DOCK8: variants seen among roughly 807,000 people sequenced by gnomAD.
The protein encoded by DOCK8 is dedicator of cytokinesis 8, also known as dedicator of cytokinesis protein 8.
Under a neutral mutation model 245.6 loss-of-function variants are expected in DOCK8, and 141 were observed. The ratio of observed to expected loss-of-function variants is 0.57; its 90% CI spans 0.50 to 0.66. The LOEUF is 0.66. Ranked by LOEUF, DOCK8 falls within the 30% of genes least tolerant of loss-of-function variation. DOCK8 has a pLI of 0.00. For missense variants in DOCK8, 2,965 were observed against 2,603.4 expected, an observed-to-expected ratio of 1.14 and a Z score of -3.02; for synonymous variants, 1,168 against 970.2, an observed-to-expected ratio of 1.20 and a Z score of -3.79.
intron 1 of DOCK8, 122 bp downstream of exon 1, chr9:215,151 G>A: frequency 6.8e-7 from 1 of 1,472,042 alleles, no homozygotes; most frequent in African/African-American, 1.5e-5. Flanking sequence ...GGGCGCGCCT[G>A]AGACCTGGGG....
At chr9:403,960 GTATA>G (rs773503416) in intron 26 of DOCK8, among the ~76,000 whole-genome samples, 60 of 67,258 alleles carry the variant, frequency 8.9e-4, no homozygotes, top group Middle Eastern at 8.2e-3. Flanking sequence ...ATATATATAT[GTATA>G]TATATATATA....
chr9:329,177 C>T (rs889402534), intron 9 of DOCK8, among the ~76,000 whole-genome samples: 1 of 152,038 alleles, frequency 6.6e-6, no homozygotes, highest in Non-Finnish European at 1.5e-5. Context: ...ATCTCAAACT[C>T]CTGATCTCAG....
intron 2 of DOCK8, among the ~76,000 whole-genome samples, chr9:275,708 C>T (rs2048319365): frequency 6.6e-6 from 1 of 151,956 alleles, no homozygotes; most frequent in African/African-American, 2.4e-5. Flanking sequence ...CCTGCCTCAG[C>T]CTCCCCAGTA....
chr9:220,311 G>C (rs542993836), intron 1 of DOCK8, among the ~76,000 whole-genome samples: 2 of 152,224 alleles, frequency 1.3e-5, no homozygotes, highest in East Asian at 1.9e-4. Flanking sequence ...CTTCTACCAG[G>C]GTGAATTTTC....
chr9:454,694 G>A (rs970857402), intron 46 of DOCK8: 54 of 152,312 alleles, frequency 3.5e-4, no homozygotes, highest in African/African-American at 1.2e-3. Context: ...AACTTGTCAG[G>A]AGAGTGATTT....
chr9:245,230 A>C (rs906090775), intron 1 of DOCK8, among the ~76,000 whole-genome samples: 2 of 152,050 alleles, frequency 1.3e-5, no homozygotes, highest in Admixed American at 6.6e-5. Flanking sequence ...TTTGAGATGA[A>C]GTCTCACACT....
At chr9:448,108 CATTTTT>C (rs1158399972) in intron 44 of DOCK8, among the ~76,000 whole-genome samples, 1 of 151,486 alleles carries the variant, frequency 6.6e-6, no homozygotes, top group Admixed American at 6.6e-5. Context: ...CTCTCTTTTT[CATTTTT>C]GAGACAGGAT....
At chr9:452,615 C>A (rs116737402) in intron 46 of DOCK8, 1 of 153,094 alleles carries the variant, frequency 6.5e-6, no homozygotes, top group South Asian at 2.0e-4. Flanking sequence ...CACTGATGCA[C>A]TAGAGTCCCA....
chr9:424,363 A>C (rs974287179), intron 33 of DOCK8, among the ~76,000 whole-genome samples: 1 of 152,076 alleles, frequency 6.6e-6, no homozygotes, highest in Non-Finnish European at 1.5e-5. Context: ...ATTGCCACCA[A>C]ATCCATTGTT....
chr9:383,906 T>G (rs2053835510), intron 22 of DOCK8, among the ~76,000 whole-genome samples: 1 of 152,206 alleles, frequency 6.6e-6, no homozygotes, highest in African/African-American at 2.4e-5. Flanking sequence ...CTCTCCTTTA[T>G]TAACATTTTA....
intron 2 of DOCK8, among the ~76,000 whole-genome samples, chr9:274,886 C>G (rs191407320): frequency 5.3e-5 from 8 of 152,300 alleles, no homozygotes; most frequent in Admixed American, 5.2e-4. Context: ...TTTATTTTTA[C>G]AACCACCATT....
intron 18 of DOCK8, among the ~76,000 whole-genome samples, chr9:374,464 T>TC (rs2053436220): frequency 7.0e-6 from 1 of 142,496 alleles, no homozygotes; most frequent in Non-Finnish European, 1.5e-5. Context: ...TTTTTTTTTT[T>TC]TTTTTTTTTT....
intron 4 of DOCK8, among the ~76,000 whole-genome samples, chr9:296,330 A>G (rs373589039): frequency 1.2e-4 from 19 of 152,370 alleles, no homozygotes; most frequent in African/African-American, 4.3e-4. Flanking sequence ...AAAGAGGGAT[A>G]AACTTCAGAA....
intron 15 of DOCK8, 148 bp downstream of exon 15, chr9:368,283 T>C: frequency 1.3e-6 from 1 of 792,156 alleles, no homozygotes; most frequent in Non-Finnish European, 2.3e-6. Flanking sequence ...GTGCCCAGGA[T>C]ATCAGTGGGG....
At position 353,840 on chromosome 9, in the gene DOCK8, A is replaced by T. The variant is rs2052293936; in HGVS notation, c.1679+13519A>T. Among the ~76,000 whole-genome samples the T allele has an allele frequency of 2.6e-5, 4 of 152,172 alleles. No homozygotes were observed. In the South Asian group the frequency reaches 8.3e-4, roughly 31 times the overall value. ...AATGTGGTGCTTTGGGGGAAAAGGA[A>T]GGGTGTTTGTACTAGGTACTTTTTA... On this transcript the variant is annotated intron_variant, in intron 14 of 47. Transcript: ENST00000432829.
chr9:276,091 A>G (rs886729490), intron 2 of DOCK8, among the ~76,000 whole-genome samples: 35 of 151,454 alleles, frequency 2.3e-4, no homozygotes, highest in Non-Finnish European at 4.9e-4. Flanking sequence ...GGGTTTCGCC[A>G]TGTTGGCCAG....
intron 1 of DOCK8, chr9:215,471 G>C: frequency 4.7e-6 from 7 of 1,480,028 alleles, no homozygotes; most frequent in Non-Finnish European, 5.4e-6. Context: ...AGTTGCGTTT[G>C]AGGCAGGCTG....
intron 1 of DOCK8, among the ~76,000 whole-genome samples, chr9:230,326 G>C (rs892488103): frequency 2.0e-5 from 3 of 152,080 alleles, no homozygotes; most frequent in Non-Finnish European, 4.4e-5. Flanking sequence ...TTGGTTCCAA[G>C]TCTTTGCTAT....
chr9:225,275 TGTAGCCCTGGCTAC>T, intron 1 of DOCK8, among the ~76,000 whole-genome samples: 1 of 152,264 alleles, frequency 6.6e-6, no homozygotes, highest in Admixed American at 6.5e-5. Context: ...GAGAGAAGCC[TGTAGCCCTGGCTAC>T]AGAAGGGCAA....
Sources: allele counts gnomAD v4.1 joint callset (sites outside exome capture counted in the v4.1 genomes callset), GRCh38; gene constraint gnomAD v4.1.1; transcripts MANE v1.5; gene names NCBI Gene and HGNC (gene_info 2026-07-23, HGNC 2026-07-21).